The following ZFHX2 variants were observed in gnomAD, a reference collection of about 807,000 sequenced individuals.
ZFHX2 encodes zinc finger homeobox protein 2.
Under a neutral mutation model 164.8 loss-of-function variants are expected in ZFHX2, and 75 were observed. The ratio of observed to expected loss-of-function variants is 0.46; its 90% CI spans 0.38 to 0.55. The LOEUF is 0.55. Among genes scored for constraint, ZFHX2 ranks in the 20% least tolerant of loss-of-function variants. The pLI is 0.00. For synonymous variants in ZFHX2, 1,217 were observed against 1,351.4 expected (o/e 0.90, Z 2.18); for missense variants, 2,933 against 3,308.0 (o/e 0.89, Z 2.78).
intron 1 of ZFHX2, among the ~76,000 whole-genome samples, chr14:23,537,011 A>T (rs912721748): frequency 1.3e-5 from 2 of 152,060 alleles, no homozygotes; most frequent in African/African-American, 4.8e-5. Flanking sequence ...GTGGTGGTGC[A>T]TGCCTGTAAT....
At chr14:23,537,105 G>T (rs533596313) in intron 1 of ZFHX2, among the ~76,000 whole-genome samples, 78 of 151,282 alleles carry the variant, frequency 5.2e-4, no homozygotes, top group Non-Finnish European at 8.3e-4. Context: ...GCACCATCGG[G>T]ACTGCACCAT....
intron 4 of ZFHX2, 181 bp from the exon 5 acceptor site, chr14:23,530,375 A>C: frequency 1.4e-6 from 1 of 700,830 alleles, no homozygotes; most frequent in South Asian, 1.5e-5. Context: ...ATAGAGGGAA[A>C]ATTACAGTAT....
chr14:23,551,437 G>A lies in ZFHX2; in HGVS notation c.-144C>T, dbSNP rs1001603422. On this transcript the variant is annotated 5_prime_UTR_variant, in exon 1 of 10. Coordinates refer to ENST00000419474, the MANE Select transcript of ZFHX2 (RefSeq NM_033400.3). The surrounding 1 kb of genome is among the most constrained non-coding windows in gnomAD (Gnocchi z 5.3). ...GGCGGCTCTTGGAAGGGACTTCTCC[G>A]ATGTGTTGATTCCTCTTTTTTCCCC... is the stretch of plus-strand genomic sequence containing the variant. 2.0e-5 allele frequency: 3 copies of A among 152,414 alleles called. No individual in the cohort carries two copies. The highest frequency in any genetic ancestry group is 4.8e-5 in the African/African-American group (2 of 41,338). The allele number at this position is 152,414 out of a possible 1,614,324, so 9.4% of individuals were successfully genotyped here. A position where few individuals can be genotyped will look rare whatever the true frequency, so the allele number is the denominator to read the frequency against.
rs560214405 is a variant in ZFHX2, at chr14:23,546,718, G to A, written c.-50+4625C>T. ...TGACCGAGCTTAGTGTGAGGAGCTC[G>A]AGAAGAAAGATGGAAAAATCAATGA... On this transcript the variant is annotated intron_variant, in intron 1 of 9. Coordinates refer to ENST00000419474, the MANE Select transcript of ZFHX2 (RefSeq NM_033400.3). The surrounding 1 kb of genome is among the most constrained non-coding windows in gnomAD (Gnocchi z 4.7). Among the ~76,000 whole-genome samples, 22 of 152,290 alleles carry A rather than the reference G, an allele frequency of 1.4e-4. No individual in the cohort carries two copies. Among genetic ancestry groups the A allele is most frequent in the African/African-American group, 3.4e-4 (14 of 41,544 alleles).
At chr14:23,529,998 A>C in intron 5 of ZFHX2, 122 bp downstream of exon 5, 1 of 1,106,182 alleles carries the variant, frequency 9.0e-7, no homozygotes, top group Non-Finnish European at 1.3e-6. Flanking sequence ...CCCCCTGATG[A>C]GCCCTTTCTT....
At position 23,534,115 on chromosome 14, in the gene ZFHX2, G is replaced by A. The variant is rs1395838521; in HGVS notation, c.1211C>T (p.Ala404Val). The change falls in exon 2 of 10, where the codon GCC becomes GTC. Residue 404 changes from alanine (A) to valine (V), a missense_variant. By Grantham distance (64) the Ala-to-Val change is moderately conservative. Transcript: ENST00000419474. This position sits in a 1 kb window ranked among gnomAD's most constrained non-coding sequence, Gnocchi z 4.5. ...GGGGTCTTCGGGGGAGCCCACTGGG[G>A]CAGGGAGAGTGCCCCCCTCCTTGGA... ...PTSKEGGTLP[A>V]PVGSPEDPSD... 1.5e-5 allele frequency: 23 copies of A among 1,486,964 alleles called. No homozygotes were observed. Among genetic ancestry groups the A allele is most frequent in the Non-Finnish European group, 1.9e-5 (21 of 1,121,702 alleles). 92.1% of individuals were successfully genotyped at this position (1,486,964 alleles called of 1,614,324 possible).
At chr14:23,547,798 G>A (rs570076521) in intron 1 of ZFHX2, among the ~76,000 whole-genome samples, 4 of 152,184 alleles carry the variant, frequency 2.6e-5, no homozygotes, top group Admixed American at 6.5e-5. Context: ...CGTTTGATCA[G>A]TAGATATTTA....
In ZFHX2 at chr14:23,525,108, A is replaced by G; in HGVS notation, c.4834T>C (p.Ser1612Pro). ...FTEFQTQALQ[S>P]FFETSAYPKD... ...GGGTAGGCGCTAGTCTCAAAGAAAG[A>G]CTGCAGGGCTTGGGTCTGGAACTCT... The change falls in exon 9 of 10, where the codon TCT becomes CCT. Residue 1612 changes from serine (S) to proline (P), a missense_variant. Coordinates refer to ENST00000419474, the MANE Select transcript of ZFHX2 (RefSeq NM_033400.3). This position sits in a 1 kb window ranked among gnomAD's most constrained non-coding sequence, Gnocchi z 5.9. 6.5e-7 allele frequency: 1 copy of G among 1,536,140 alleles called. No individual in the cohort carries two copies. The highest frequency in any genetic ancestry group is 8.7e-7 in the Non-Finnish European group (1 of 1,146,914).
chr14:23,528,339 G>T (rs764867065), intron 6 of ZFHX2, among the ~76,000 whole-genome samples: 3 of 152,138 alleles, frequency 2.0e-5, no homozygotes, highest in Non-Finnish European at 2.9e-5. Context: ...AGCTTAGGCC[G>T]CTACCTTGCA....
intron 1 of ZFHX2, chr14:23,542,971 T>C (rs1880988729): frequency 6.6e-6 from 1 of 152,120 alleles, no homozygotes; most frequent in Non-Finnish European, 1.5e-5. Flanking sequence ...CCTGACTACC[T>C]GACCCGCCCA....
chr14:23,537,377 G>C (rs1022210073), intron 1 of ZFHX2, among the ~76,000 whole-genome samples: 2 of 152,114 alleles, frequency 1.3e-5, no homozygotes, highest in Non-Finnish European at 2.9e-5. Flanking sequence ...TAAACTGGTA[G>C]TGCTTCAGGC....
chr14:23,529,992 C>G (rs1194787103), intron 5 of ZFHX2, 128 bp downstream of exon 5: 9 of 1,080,526 alleles, frequency 8.3e-6, no homozygotes, highest in African/African-American at 6.3e-5. Context: ...TCCCTTCCCC[C>G]TGATGAGCCC....
chr14:23,521,631 G>A lies in ZFHX2; in HGVS notation c.*331C>T, dbSNP rs1050497273. On this transcript the variant is annotated 3_prime_UTR_variant, in exon 10 of 10. Coordinates refer to ENST00000419474, the MANE Select transcript of ZFHX2 (RefSeq NM_033400.3). The stretch of plus-strand genomic sequence containing the variant: ...GAATTCAGTGAGGAAAAGGAAGATA[G>A]AACCAAGGATATATTTTGTGTGTGG... 3.0e-5 allele frequency: 8 copies of A among 271,130 alleles called. No individual in the cohort carries two copies. The highest frequency in any genetic ancestry group is 2.1e-5 in the Non-Finnish European group (3 of 143,720). The allele number at this position is 271,130 out of a possible 1,614,324, so 16.8% of individuals were successfully genotyped here. A position where few individuals can be genotyped will look rare whatever the true frequency, so the allele number is the denominator to read the frequency against.
At chr14:23,554,549 A>ATT (rs35367737), upstream of ZFHX2, among the ~76,000 whole-genome samples, 25 of 135,656 alleles carry the variant, frequency 1.8e-4, no homozygotes, top group South Asian at 3.5e-3. Context: ...GCTAATTAAA[A>ATT]TTTTTTTTTT....
At chr14:23,554,537 C>T (rs1269817522), upstream of ZFHX2, among the ~76,000 whole-genome samples, 2 of 149,426 alleles carry the variant, frequency 1.3e-5, no homozygotes, top group African/African-American at 2.5e-5. Flanking sequence ...CTACCACACC[C>T]GGCTAATTAA....
chr14:23,549,821 C>T (rs969820232), intron 1 of ZFHX2, among the ~76,000 whole-genome samples: 2 of 152,126 alleles, frequency 1.3e-5, no homozygotes, highest in Admixed American at 6.5e-5. Flanking sequence ...AAACCATACC[C>T]CACACCTCTC....
In ZFHX2 at chr14:23,535,112, C is replaced by T; in HGVS notation, c.214G>A (p.Glu72Lys). 1 of 1,536,216 alleles carries T rather than the reference C, an allele frequency of 6.5e-7. No homozygotes were observed. The highest frequency in any genetic ancestry group is 8.7e-7 in the Non-Finnish European group (1 of 1,146,894). Residue 72 changes from glutamate to lysine, a missense_variant, in exon 2 of 10, where the codon GAG (glutamate) becomes AAG (lysine). Transcript: ENST00000419474. The surrounding 1 kb of genome is among the most constrained non-coding windows in gnomAD (Gnocchi z 4.5). ...ESGCGLVPPK[E>K]IGEPQEGPDC... ...GGCCCTTCCTGGGGCTCCCCAATCTCCTTTGGTGGGACGAGGCCACAGCCC... is the reference window on the plus strand; with the variant it reads ...GGCCCTTCCTGGGGCTCCCCAATCTTCTTTGGTGGGACGAGGCCACAGCCC...
In ZFHX2 at chr14:23,524,514, G is replaced by C. The variant is rs759770464; in HGVS notation, c.5428C>G (p.Leu1810Val). ...APPQLLDLPL[L>V]VFGERNPLVA... ...AGGGGGTTTCTCTCCCCAAACACCA[G>C]CAAGGGCAGATCTAGGAGTTGGGGG... Residue 1810 changes from leucine to valine, a missense_variant, in exon 9 of 10, where the codon CTG (leucine) becomes GTG (valine). Transcript: ENST00000419474. The surrounding 1 kb of genome is among the most constrained non-coding windows in gnomAD (Gnocchi z 5.6). The C allele has an allele frequency of 7.2e-6, 11 of 1,526,808 alleles. No individual in the cohort carries two copies. The East Asian group carries it at 2.7e-4, about 37-fold the overall frequency. The allele number at this position is 1,526,808 out of a possible 1,614,324, so 94.6% of individuals were successfully genotyped here.
intron 6 of ZFHX2, chr14:23,528,627 A>G: frequency 1.0e-6 from 1 of 985,176 alleles, no homozygotes; most frequent in Non-Finnish European, 1.2e-6. Context: ...AAGGGGCCCT[A>G]CCTGTCTGCT....
Sources: allele counts gnomAD v4.1 joint callset (sites outside exome capture counted in the v4.1 genomes callset), GRCh38; gene constraint gnomAD v4.1.1; non-coding constraint Gnocchi (gnomAD v3.1); transcripts MANE v1.5; gene names NCBI Gene and HGNC (gene_info 2026-07-23, HGNC 2026-07-21).